NPAS3: variants seen among roughly 807,000 people sequenced by gnomAD.
The protein encoded by NPAS3 is neuronal PAS domain-containing protein 3.
A neutral mutation model predicts 73.1 loss-of-function variants in NPAS3; 14 were observed. The observed-to-expected ratio is 0.19, with a 90% CI of 0.13 to 0.30. The LOEUF is 0.30. Among genes scored for constraint, NPAS3 ranks in the 10% least tolerant of loss-of-function variants. The probability of loss-of-function intolerance (pLI) is 1.00; values close to 1 mark genes in which losing one functional copy is unlikely to be tolerated. For missense variants in NPAS3, 1,096 were observed against 1,250.0 expected, an observed-to-expected ratio of 0.88 and a Z score of 1.86; for synonymous variants, 620 against 541.5, an observed-to-expected ratio of 1.14 and a Z score of -2.01.
At chr14:33,431,295 C>A (rs1030744468) in intron 4 of NPAS3, among the ~76,000 whole-genome samples, 4 of 152,182 alleles carry the variant, frequency 2.6e-5, no homozygotes, top group African/African-American at 9.7e-5. Context: ...TTTTCCTGGT[C>A]TTTAGTGTCA....
intron 2 of NPAS3, among the ~76,000 whole-genome samples, chr14:33,126,596 A>T (rs1284208269): frequency 6.6e-6 from 1 of 152,074 alleles, no homozygotes; most frequent in East Asian, 1.9e-4. Flanking sequence ...GAAGTGATGG[A>T]TGGGAAGGGC....
chr14:32,974,001 G>A (rs1254452814), intron 1 of NPAS3, among the ~76,000 whole-genome samples: 3 of 152,162 alleles, frequency 2.0e-5, no homozygotes, highest in Non-Finnish European at 4.4e-5. Context: ...GTCAAGAACT[G>A]TATTAAATGG....
At chr14:33,716,646 T>G (rs1375208340) in intron 6 of NPAS3, among the ~76,000 whole-genome samples, 2 of 152,186 alleles carry the variant, frequency 1.3e-5, no homozygotes, top group East Asian at 3.9e-4. Flanking sequence ...CTGGAAATCC[T>G]TGGTAATCTT....
chr14:33,560,592 G>A (rs1012604852), intron 5 of NPAS3, among the ~76,000 whole-genome samples: 1 of 152,186 alleles, frequency 6.6e-6, no homozygotes, highest in African/African-American at 2.4e-5. Flanking sequence ...TATCCTGGGA[G>A]CTGACACAAT....
At chr14:33,303,982 A>G (rs1453626572) in intron 3 of NPAS3, among the ~76,000 whole-genome samples, 2 of 152,146 alleles carry the variant, frequency 1.3e-5, no homozygotes, top group Non-Finnish European at 2.9e-5. Flanking sequence ...ATCTCGGCTC[A>G]CTGCAAGCTC....
At chr14:33,032,487 T>C (rs1289188313) in intron 1 of NPAS3, among the ~76,000 whole-genome samples, 1 of 152,170 alleles carries the variant, frequency 6.6e-6, no homozygotes, top group Non-Finnish European at 1.5e-5. Context: ...CACATGTGAT[T>C]AGTGACCATA....
chr14:32,981,150 G>A (rs2037880906), intron 1 of NPAS3, among the ~76,000 whole-genome samples: 1 of 152,170 alleles, frequency 6.6e-6, no homozygotes, highest in Admixed American at 6.6e-5. Flanking sequence ...CCATGGAGGA[G>A]CTGCTCACTT....
rs537245136 is a variant in NPAS3, at chr14:33,137,658, A to T, written c.141-77524A>T. Reference sequence around the variant, plus strand: ...ATGAGCAAAGCCTAGTATACGTTACATAAGAATTAAGCCAGGATTTATAAT... The same window carrying T: ...ATGAGCAAAGCCTAGTATACGTTACTTAAGAATTAAGCCAGGATTTATAAT... On this transcript the variant is annotated intron_variant, in intron 2 of 11. Transcript: ENST00000356141. Among the ~76,000 whole-genome samples, 5 of 152,230 alleles carry T rather than the reference A, an allele frequency of 3.3e-5. No homozygotes were observed. The East Asian group carries it at 7.7e-4, about 23-fold the overall frequency.
chr14:33,592,483 A>G (rs984282296), intron 5 of NPAS3, among the ~76,000 whole-genome samples: 3 of 152,176 alleles, frequency 2.0e-5, no homozygotes, highest in African/African-American at 7.2e-5. Context: ...CGGAGGAGGC[A>G]AAGAATGCAG....
chr14:33,707,831 AG>A (rs1470687126), intron 6 of NPAS3, among the ~76,000 whole-genome samples: 4 of 152,300 alleles, frequency 2.6e-5, no homozygotes, highest in Admixed American at 2.6e-4. Flanking sequence ...GAGAAGCTGG[AG>A]GGATCTGCAG....
chr14:33,683,047 G>GAA (rs1448686428), intron 6 of NPAS3, among the ~76,000 whole-genome samples: 1 of 67,774 alleles, frequency 1.5e-5, no homozygotes, highest in Non-Finnish European at 2.4e-5. Context: ...ATGCCATTCT[G>GAA]AAACTAACTT....
At chr14:33,653,234 C>T (rs567989501) in intron 5 of NPAS3, among the ~76,000 whole-genome samples, 2 of 152,312 alleles carry the variant, frequency 1.3e-5, no homozygotes, top group East Asian at 3.9e-4. Flanking sequence ...AAAAATGGCC[C>T]CGTATTGCTG....
At chr14:33,732,500 A>C (rs963440874) in intron 6 of NPAS3, among the ~76,000 whole-genome samples, 4 of 152,178 alleles carry the variant, frequency 2.6e-5, no homozygotes, top group African/African-American at 9.7e-5. Flanking sequence ...TGTGTGAGCT[A>C]TGAATGACTT....
intron 4 of NPAS3, among the ~76,000 whole-genome samples, chr14:33,396,043 C>G (rs768067708): frequency 6.6e-6 from 1 of 152,118 alleles, no homozygotes; most frequent in Non-Finnish European, 1.5e-5. Context: ...GTCAGGACAT[C>G]CAATTAACCT....
At chr14:33,728,009 C>G (rs1413779946) in intron 6 of NPAS3, among the ~76,000 whole-genome samples, 1 of 152,180 alleles carries the variant, frequency 6.6e-6, no homozygotes, top group East Asian at 1.9e-4. Flanking sequence ...CTTGAACTTT[C>G]CCGTTGCTTA....
chr14:33,168,230 G>A (rs1471289975), intron 2 of NPAS3, among the ~76,000 whole-genome samples: 2 of 152,140 alleles, frequency 1.3e-5, no homozygotes, highest in African/African-American at 4.8e-5. Flanking sequence ...GGTAAACTCT[G>A]AGAAATCCTG....
intron 2 of NPAS3, among the ~76,000 whole-genome samples, chr14:33,194,197 A>G (rs527721932): frequency 6.6e-6 from 1 of 152,332 alleles, no homozygotes; most frequent in East Asian, 1.9e-4. Context: ...CCTGTAAGTT[A>G]ACCAGACATA....
intron 3 of NPAS3, among the ~76,000 whole-genome samples, chr14:33,268,050 T>A (rs1159700368): frequency 6.6e-6 from 1 of 152,200 alleles, no homozygotes; most frequent in Non-Finnish European, 1.5e-5. Flanking sequence ...TTTTTTCAGC[T>A]GCTAAGTTTC....
At chr14:33,177,071 T>TTTATTATTATTA (rs58286290) in intron 2 of NPAS3, among the ~76,000 whole-genome samples, 7,823 of 138,172 alleles carry the variant, frequency 0.057, 270 homozygotes, top group Middle Eastern at 0.083. Flanking sequence ...TGTTTATCTT[T>TTTATTATTATTA]TTATTATTAT....
Sources: allele counts gnomAD v4.1 joint callset (sites outside exome capture counted in the v4.1 genomes callset), GRCh38; gene constraint gnomAD v4.1.1; transcripts MANE v1.5; gene names NCBI Gene and HGNC (gene_info 2026-07-23, HGNC 2026-07-21).